The following SPMAP2 variants were observed in gnomAD, a reference collection of about 807,000 sequenced individuals.
SPMAP2 encodes Theg homolog.
chr19:362,825 A>T, the SPMAP2 span, among the ~76,000 whole-genome samples: 1 of 150,726 alleles, frequency 6.6e-6, no homozygotes, highest in Admixed American at 6.6e-5. Context: ...TCATCAGCAG[A>T]GAAACGGAGG....
the SPMAP2 span, among the ~76,000 whole-genome samples, chr19:375,152 C>T: frequency 6.6e-6 from 1 of 152,152 alleles, no homozygotes; most frequent in Non-Finnish European, 1.5e-5. Flanking sequence ...TTGCTGGGGA[C>T]ACTCCAGCAA....
the SPMAP2 span, among the ~76,000 whole-genome samples, chr19:365,038 G>A: frequency 6.6e-6 from 1 of 152,230 alleles, no homozygotes; most frequent in African/African-American, 2.4e-5. Context: ...AAAGAGTGTG[G>A]AGTCTCTTCC....
At chr19:374,604 G>A in the SPMAP2 span, 63,836 of 721,006 alleles carry the variant, frequency 0.089, 3,101 homozygotes, top group Middle Eastern at 0.11. Context: ...TGGACCAACC[G>A]CAGCTCCACT....
At chr19:363,290 T>A in the SPMAP2 span, among the ~76,000 whole-genome samples, 1 of 151,706 alleles carries the variant, frequency 6.6e-6, no homozygotes, top group Admixed American at 6.6e-5. Context: ...CCTCCCAGGT[T>A]CAAGCAATTC....
the SPMAP2 span, chr19:367,067 G>T: frequency 6.2e-7 from 1 of 1,612,796 alleles, no homozygotes; most frequent in Non-Finnish European, 8.5e-7. Context: ...CTACTTACTG[G>T]CCAAGTGAAG....
the SPMAP2 span, among the ~76,000 whole-genome samples, chr19:363,436 G>A: frequency 9.9e-5 from 15 of 151,978 alleles, no homozygotes; most frequent in Admixed American, 2.0e-4. Context: ...CAGGCGATCC[G>A]CCCGCCTCAG....
the SPMAP2 span, chr19:372,702 T>C: frequency 6.2e-7 from 1 of 1,613,882 alleles, no homozygotes; most frequent in Non-Finnish European, 8.5e-7. Flanking sequence ...GGGACACCGC[T>C]ATGCAAAATG....
the SPMAP2 span, among the ~76,000 whole-genome samples, chr19:368,299 C>G: frequency 7.2e-5 from 11 of 152,200 alleles, no homozygotes; most frequent in Admixed American, 1.3e-4. The surrounding 1 kb of genome is among the most constrained non-coding windows in gnomAD (Gnocchi z 4.1). Flanking sequence ...TAAACTGGAG[C>G]TGGCTTCCCT....
chr19:373,639 G>T, the SPMAP2 span: 1 of 1,065,096 alleles, frequency 9.4e-7, no homozygotes, highest in Non-Finnish European at 1.4e-6. Flanking sequence ...GTGTGGAGTT[G>T]CTGGGAGAGG....
the SPMAP2 span, among the ~76,000 whole-genome samples, chr19:372,017 T>C: frequency 2.0e-5 from 3 of 152,194 alleles, no homozygotes; most frequent in Non-Finnish European, 2.9e-5. Context: ...ACAGTTTAAA[T>C]TGTCTTCAGG....
At chr19:364,683 C>T in the SPMAP2 span, among the ~76,000 whole-genome samples, 5 of 152,128 alleles carry the variant, frequency 3.3e-5, no homozygotes, top group Non-Finnish European at 7.4e-5. Flanking sequence ...GGCATCTCCT[C>T]CCCCTGGCTG....
chr19:375,823 G>C, the SPMAP2 span: 4 of 1,606,976 alleles, frequency 2.5e-6, no homozygotes, highest in Admixed American at 1.7e-5. Context: ...GCATTGTCCA[G>C]GTCCTGGCGT....
the SPMAP2 span, chr19:375,653 C>T: frequency 5.1e-5 from 79 of 1,540,724 alleles, no homozygotes; most frequent in African/African-American, 2.5e-4. Flanking sequence ...GCCCGTTCCC[C>T]GGTGCCCACC....
chr19:364,131 A>T, the SPMAP2 span, among the ~76,000 whole-genome samples: 1 of 150,684 alleles, frequency 6.6e-6, no homozygotes, highest in East Asian at 2.0e-4. Context: ...CAGGAGATCG[A>T]GACCATCCTG....
At chr19:368,940 C>G in the SPMAP2 span, among the ~76,000 whole-genome samples, 1 of 152,208 alleles carries the variant, frequency 6.6e-6, no homozygotes, top group South Asian at 2.1e-4. The surrounding 1 kb of genome is among the most constrained non-coding windows in gnomAD (Gnocchi z 4.1). Flanking sequence ...GGCCCTGATT[C>G]ATCCAAACCA....
At chr19:374,094 C>T in the SPMAP2 span, 1 of 1,526,200 alleles carries the variant, frequency 6.6e-7, no homozygotes. Context: ...CTCCTTTGGC[C>T]ACCGCCCAGA....
the SPMAP2 span, among the ~76,000 whole-genome samples, chr19:362,677 G>A: frequency 6.7e-6 from 1 of 149,914 alleles, no homozygotes; most frequent in African/African-American, 2.5e-5. Context: ...GAGGCATGAG[G>A]ATGGCTTGAA....
chr19:373,339 T>G, the SPMAP2 span: 1 of 823,818 alleles, frequency 1.2e-6, no homozygotes, highest in South Asian at 1.6e-5. Context: ...GGGGACAGAC[T>G]CCAGTGGGGA....
the SPMAP2 span, among the ~76,000 whole-genome samples, chr19:364,122 A>G: frequency 2.6e-4 from 39 of 150,962 alleles, no homozygotes; most frequent in African/African-American, 8.5e-4. Context: ...TCACAAGGTC[A>G]GGAGATCGAG....
Sources: gnomAD v4.1 joint callset for allele counts (sites outside exome capture counted in the v4.1 genomes callset) on GRCh38, gnomAD v4.1.1 for gene constraint, Gnocchi (gnomAD v3.1) non-coding constraint, MANE v1.5 for transcripts, NCBI Gene and HGNC (gene_info 2026-07-23, HGNC 2026-07-21) for gene names.